Variants in AFDN observed in about 807,000 individuals in gnomAD.
AFDN encodes the protein afadin, adherens junction formation factor.
Under a neutral mutation model 216.6 loss-of-function variants are expected in AFDN, and 68 were observed. That is an observed-to-expected ratio of 0.31 (90% CI 0.26 to 0.38). The LOEUF is 0.38. Among genes scored for constraint, AFDN ranks in the 10% least tolerant of loss-of-function variants. The probability of loss-of-function intolerance (pLI) is 1.00; values close to 1 mark genes in which losing one functional copy is unlikely to be tolerated. For synonymous variants in AFDN, 868 were observed against 853.7 expected, an observed-to-expected ratio of 1.02 and a Z score of -0.29; for missense variants, 2,136 against 2,342.0, an observed-to-expected ratio of 0.91 and a Z score of 1.82.
At chr6:167,892,639 C>G (rs1787753786) in intron 8 of AFDN, among the ~76,000 whole-genome samples, 1 of 152,114 alleles carries the variant, frequency 6.6e-6, no homozygotes, top group East Asian at 1.9e-4. Flanking sequence ...TTCACGCATG[C>G]ATTTGATAAA....
At chr6:167,949,066 T>C (rs760241963) in intron 29 of AFDN, among the ~76,000 whole-genome samples, 1 of 152,218 alleles carries the variant, frequency 6.6e-6, no homozygotes, top group African/African-American at 2.4e-5. Context: ...CAGAAGGGCT[T>C]GACATGACAG....
In AFDN at chr6:167,971,537, T is replaced by C. The variant is rs1798025183; in HGVS notation, c.*1602T>C. On this transcript the variant is annotated 3_prime_UTR_variant, in exon 34 of 34. Coordinates refer to ENST00000683244, the MANE Select transcript of AFDN (RefSeq NM_001386888.1). ...GAGTGTTTAGGAAGGATTTGCTTGC[T>C]TGCAGCAGAAGTTCTAGGAAAAGCA... is the stretch of plus-strand genomic sequence containing the variant. 5.1e-6 allele frequency: 1 copy of C among 195,332 alleles called. No individual in the cohort carries two copies. Among genetic ancestry groups the C allele is most frequent in the Admixed American group, 6.1e-5 (1 of 16,444 alleles). 12.1% of individuals were successfully genotyped at this position (195,332 alleles called of 1,614,324 possible). A position where few individuals can be genotyped will look rare whatever the true frequency, so the allele number is the denominator to read the frequency against.
chr6:167,909,762 A>G (rs976089326), intron 13 of AFDN, among the ~76,000 whole-genome samples: 2 of 152,204 alleles, frequency 1.3e-5, no homozygotes, highest in Non-Finnish European at 2.9e-5. Context: ...AGTTTAAGTC[A>G]TTAATATCCC....
chr6:167,947,647 T>A (rs1264491582), intron 27 of AFDN, among the ~76,000 whole-genome samples: 1 of 152,210 alleles, frequency 6.6e-6, no homozygotes, highest in African/African-American at 2.4e-5. Flanking sequence ...AAGGTTTTTT[T>A]GTAGCTCTGG....
intron 6 of AFDN, among the ~76,000 whole-genome samples, chr6:167,882,485 C>CAA (rs143438459): frequency 7.0e-6 from 1 of 142,468 alleles, no homozygotes; most frequent in Non-Finnish European, 1.5e-5. Flanking sequence ...ACTAAAACTA[C>CAA]AAAAAAAAAA....
chr6:167,936,852 G>C (rs1285196608), intron 23 of AFDN, among the ~76,000 whole-genome samples: 2 of 152,178 alleles, frequency 1.3e-5, no homozygotes, highest in African/African-American at 4.8e-5. Flanking sequence ...TCGGGTTGAA[G>C]GTAATTGCCC....
rs770702200 is a variant in AFDN at position 167,969,847 on chromosome 6, G to A, written c.5408G>A (p.Arg1803His). 2.7e-5 allele frequency: 44 copies of A among 1,613,014 alleles called. No homozygotes were observed. Among genetic ancestry groups the A allele is most frequent in the East Asian group, 4.5e-5 (2 of 44,876 alleles). The change falls in exon 34 of 34, where the codon CGT becomes CAT. Residue 1803 changes from arginine to histidine, a missense_variant. Arg to His is a conservative substitution (Grantham distance 29). Coordinates refer to ENST00000683244, the MANE Select transcript of AFDN (RefSeq NM_001386888.1). The stretch of plus-strand genomic sequence containing the variant: ...AACTTGACATTCAAGGAACGCCAGC[G>A]TCTTTTTTCACAAGGTCAAGATGTA... ...PENLTFKERQRLFSQGQDVSN... is the reference protein window; with the variant it reads ...PENLTFKERQHLFSQGQDVSN...
chr6:167,826,719 C>G (rs907571381), upstream of AFDN: 1 of 428,314 alleles, frequency 2.3e-6, no homozygotes, highest in Admixed American at 2.7e-5. Flanking sequence ...CCAGTCCAGA[C>G]GGAACCCTAG....
At chr6:167,964,146 G>A (rs1246481757) in intron 31 of AFDN, 5 of 1,063,486 alleles carry the variant, frequency 4.7e-6, no homozygotes, top group Non-Finnish European at 5.7e-6. Context: ...AAATACACTT[G>A]TGTTAGTAAC....
At chr6:167,861,596 TG>T (rs1331056823) in intron 1 of AFDN, among the ~76,000 whole-genome samples, 1 of 152,202 alleles carries the variant, frequency 6.6e-6, no homozygotes, top group Non-Finnish European at 1.5e-5. Context: ...GTAATTTATA[TG>T]TAAGGAATTT....
intron 1 of AFDN, among the ~76,000 whole-genome samples, chr6:167,841,926 C>T (rs1781116608): frequency 6.6e-6 from 1 of 151,982 alleles, no homozygotes; most frequent in Admixed American, 6.6e-5. Flanking sequence ...TCTGTCCTTT[C>T]TTCTTACCTC....
In AFDN at chr6:167,964,608, T is replaced by G. The variant is rs1401713961; in HGVS notation, c.4969-1149T>G. ...AAAGGTGAAGGAGTGACATTGCGTA[T>G]TCACTCTGTGTGTGTGTGTGTGTGT... On this transcript the variant is annotated intron_variant, in intron 31 of 33. Coordinates refer to ENST00000683244, the MANE Select transcript of AFDN (RefSeq NM_001386888.1). The G allele has an allele frequency of 3.8e-6, 4 of 1,040,986 alleles. No individual in the cohort carries two copies. The South Asian group carries it at 1.4e-4, about 37-fold the overall frequency. The allele number at this position is 1,040,986 out of a possible 1,614,324, so 64.5% of individuals were successfully genotyped here.
chr6:167,962,388 G>C lies in AFDN; in HGVS notation c.4834-45G>C, dbSNP rs773837612. On this transcript the variant is annotated intron_variant, in intron 30 of 33. Coordinates refer to ENST00000683244, the MANE Select transcript of AFDN (RefSeq NM_001386888.1). This position sits in a 1 kb window ranked among gnomAD's most constrained non-coding sequence, Gnocchi z 5.2. ...TTAATGTGTGCATTTTATGTCTTGT[G>C]CTGGTGGAGTTTGTGGAGGGAGATT... 7 of 1,610,900 alleles carry C rather than the reference G, an allele frequency of 4.3e-6. No individual in the cohort carries two copies. The East Asian group carries it at 1.1e-4, about 26-fold the overall frequency.
intron 1 of AFDN, among the ~76,000 whole-genome samples, chr6:167,834,310 T>A (rs1369293885): frequency 6.6e-6 from 1 of 152,122 alleles, no homozygotes; most frequent in Non-Finnish European, 1.5e-5. Flanking sequence ...GGCCTTTGTA[T>A]CCTCATAAGT....
Position 167,914,684 on chromosome 6 carries a change from A to G in AFDN, c.2245A>G (p.Met749Val). Residue 749 changes from methionine (M) to valine (V), a missense_variant, in exon 18 of 34, where the codon ATG becomes GTG. Transcript: ENST00000683244. ...TCTTCAATCAGAACTTAATAATTAC[A>G]TGCCAGCCTTTCTAGATGACCCTGA... is the stretch of plus-strand genomic sequence containing the variant. ...HCLQSELNNY[M>V]PAFLDDPEEN... 1 of 1,613,700 alleles carries G rather than the reference A, an allele frequency of 6.2e-7. No individual in the cohort carries two copies. The highest frequency in any genetic ancestry group is 8.5e-7 in the Non-Finnish European group (1 of 1,179,694).
chr6:167,935,594 T>G (rs1793895959), intron 23 of AFDN, among the ~76,000 whole-genome samples: 1 of 152,222 alleles, frequency 6.6e-6, no homozygotes. Context: ...GAAACTGGTT[T>G]GTTAAATGAG....
At chr6:167,934,959 A>G (rs1024075293) in intron 23 of AFDN, among the ~76,000 whole-genome samples, 1 of 152,226 alleles carries the variant, frequency 6.6e-6, no homozygotes, top group African/African-American at 2.4e-5. Flanking sequence ...AAAGCAACTT[A>G]TAGGTGCGTG....
chr6:167,872,098 T>G (rs1430447947), intron 3 of AFDN, 116 bp from the exon 4 acceptor site: 1 of 952,752 alleles, frequency 1.0e-6, no homozygotes, highest in Non-Finnish European at 1.6e-6. Context: ...CCTTCCTGTG[T>G]TTCAGTAGCT....
chr6:167,835,329 T>A (rs1247309527), intron 1 of AFDN, among the ~76,000 whole-genome samples: 3 of 152,220 alleles, frequency 2.0e-5, no homozygotes, highest in Non-Finnish European at 4.4e-5. Context: ...TTTGACAAAA[T>A]GTCTGTCAAA....
Sources: allele counts gnomAD v4.1 joint callset (sites outside exome capture counted in the v4.1 genomes callset), GRCh38; gene constraint gnomAD v4.1.1; non-coding constraint Gnocchi (gnomAD v3.1); transcripts MANE v1.5; gene names NCBI Gene and HGNC (gene_info 2026-07-23, HGNC 2026-07-21).